Variants in TMEM132C observed in about 807,000 individuals in gnomAD.
The protein encoded by TMEM132C is protein phosphatase 1, regulatory subunit 152.
A neutral mutation model predicts 61.4 loss-of-function variants in TMEM132C; 29 were observed. That is an observed-to-expected ratio of 0.47 (90% CI 0.35 to 0.64). The LOEUF (loss-of-function observed/expected upper bound fraction) is 0.64, where lower values mean the gene tolerates loss of function less well. TMEM132C is among the 30% of genes least tolerant of loss of function. The pLI is 0.00. For missense variants in TMEM132C, 1,408 were observed against 1,476.9 expected, an observed-to-expected ratio of 0.95 and a Z score of 0.76; for synonymous variants, 656 against 633.1, an observed-to-expected ratio of 1.04 and a Z score of -0.54.
At chr12:128,566,124 A>C (rs1490306834) in intron 3 of TMEM132C, among the ~76,000 whole-genome samples, 1 of 149,702 alleles carries the variant, frequency 6.7e-6, no homozygotes, top group Non-Finnish European at 1.5e-5. Context: ...TCCTGGCCTC[A>C]AGTGATCCAC....
At chr12:128,420,636 A>G (rs984477181) in intron 2 of TMEM132C, among the ~76,000 whole-genome samples, 1 of 152,216 alleles carries the variant, frequency 6.6e-6, no homozygotes, top group African/African-American at 2.4e-5. Context: ...GAGAGAAGAC[A>G]GGGACTTGGA....
At chr12:128,650,641 A>G (rs1954259011) in intron 4 of TMEM132C, among the ~76,000 whole-genome samples, 1 of 152,002 alleles carries the variant, frequency 6.6e-6, no homozygotes, top group Non-Finnish European at 1.5e-5. Context: ...AAATGGGAAG[A>G]TTGTTTGAGC....
chr12:128,477,132 G>T (rs951353603), intron 2 of TMEM132C, among the ~76,000 whole-genome samples: 2 of 152,172 alleles, frequency 1.3e-5, no homozygotes, highest in African/African-American at 2.4e-5. Flanking sequence ...TCTCTCTATT[G>T]TGAAGGCTGC....
intron 2 of TMEM132C, among the ~76,000 whole-genome samples, chr12:128,517,233 C>CAAATAAATAAATAAAT (rs59000862): frequency 5.6e-4 from 80 of 142,778 alleles, no homozygotes; most frequent in South Asian, 1.6e-3. Context: ...TCCGTCTCAA[C>CAAATAAATAAATAAAT]AAATAAATAA....
intron 2 of TMEM132C, among the ~76,000 whole-genome samples, chr12:128,534,756 C>G (rs992111317): frequency 7.2e-5 from 11 of 152,226 alleles, no homozygotes; most frequent in Non-Finnish European, 1.2e-4. Flanking sequence ...ATCCACTGCT[C>G]TTATCGAAGA....
intron 2 of TMEM132C, among the ~76,000 whole-genome samples, chr12:128,490,108 G>A (rs948410459): frequency 6.6e-6 from 1 of 152,122 alleles, no homozygotes; most frequent in Admixed American, 6.5e-5. Flanking sequence ...AGCATGAGTG[G>A]GAGGCTAGCA....
At chr12:128,345,476 C>T (rs1028205215) in intron 1 of TMEM132C, among the ~76,000 whole-genome samples, 31 of 152,164 alleles carry the variant, frequency 2.0e-4, no homozygotes, top group African/African-American at 6.0e-4. Context: ...TTTGAGGAAT[C>T]GCCACACTGT....
chr12:128,685,986 A>G (rs1307393544), intron 5 of TMEM132C, among the ~76,000 whole-genome samples: 1 of 152,064 alleles, frequency 6.6e-6, no homozygotes, highest in Non-Finnish European at 1.5e-5. Flanking sequence ...AAAGTAAGCA[A>G]TCACTGATAA....
intron 4 of TMEM132C, among the ~76,000 whole-genome samples, chr12:128,650,871 A>G (rs2135609858): frequency 6.6e-6 from 1 of 152,194 alleles, no homozygotes; most frequent in East Asian, 1.9e-4. Flanking sequence ...CAAATGAGGT[A>G]AGGCTCAAAT....
chr12:128,590,135 A>G (rs1443876835), intron 3 of TMEM132C, among the ~76,000 whole-genome samples: 1 of 152,220 alleles, frequency 6.6e-6, no homozygotes, highest in African/African-American at 2.4e-5. Context: ...TAGGGCCAGG[A>G]CACTCTGGCC....
intron 2 of TMEM132C, among the ~76,000 whole-genome samples, chr12:128,433,603 T>A (rs1349184040): frequency 6.6e-6 from 1 of 152,020 alleles, no homozygotes; most frequent in East Asian, 1.9e-4. Flanking sequence ...AAACTGGAGG[T>A]AAAATGAAAA....
intron 1 of TMEM132C, among the ~76,000 whole-genome samples, chr12:128,391,780 T>C (rs1874770858): frequency 6.6e-6 from 1 of 152,232 alleles, no homozygotes; most frequent in African/African-American, 2.4e-5. Context: ...CTTCAGAGCC[T>C]GTGCATTTTG....
chr12:128,279,085 T>C (rs1167461385), intron 1 of TMEM132C, among the ~76,000 whole-genome samples: 1 of 152,156 alleles, frequency 6.6e-6, no homozygotes, highest in South Asian at 2.1e-4. Context: ...ATTGGTTCTA[T>C]TTCCCAGGAG....
At chr12:128,402,100 T>C (rs991540849) in intron 1 of TMEM132C, among the ~76,000 whole-genome samples, 2 of 152,116 alleles carry the variant, frequency 1.3e-5, no homozygotes, top group African/African-American at 2.4e-5. Context: ...TGCCGAGATA[T>C]TGGCTTAGAA....
intron 4 of TMEM132C, among the ~76,000 whole-genome samples, chr12:128,655,121 A>C (rs1373956686): frequency 6.6e-6 from 1 of 152,168 alleles, no homozygotes; most frequent in East Asian, 1.9e-4. Flanking sequence ...CTTGGGGTTC[A>C]TTAGGAAGTG....
At chr12:128,617,831 G>C (rs545272767) in intron 4 of TMEM132C, among the ~76,000 whole-genome samples, 11 of 152,284 alleles carry the variant, frequency 7.2e-5, no homozygotes, top group African/African-American at 9.6e-5. Flanking sequence ...CACCCCAGAA[G>C]GTATCATCTA....
chr12:128,466,145 C>T (rs1047183404), intron 2 of TMEM132C, among the ~76,000 whole-genome samples: 1 of 152,086 alleles, frequency 6.6e-6, no homozygotes, highest in Non-Finnish European at 1.5e-5. Flanking sequence ...AATGAGACAG[C>T]GATGCCGCTG....
At chr12:128,598,867 G>C in intron 3 of TMEM132C, among the ~76,000 whole-genome samples, 1 of 145,674 alleles carries the variant, frequency 6.9e-6, no homozygotes, top group South Asian at 2.2e-4. Flanking sequence ...GGGGTTTGGG[G>C]TGGGGTTTGG....
chr12:128,277,319 A>C (rs1592994217), intron 1 of TMEM132C, among the ~76,000 whole-genome samples: 2 of 152,284 alleles, frequency 1.3e-5, no homozygotes, highest in South Asian at 2.1e-4. Context: ...TGTTTCTCCC[A>C]ATCTCTTGGC....
Sources: allele counts gnomAD v4.1 joint callset (sites outside exome capture counted in the v4.1 genomes callset), GRCh38; gene constraint gnomAD v4.1.1; transcripts MANE v1.5; gene names NCBI Gene and HGNC (gene_info 2026-07-23, HGNC 2026-07-21).